Variants in SGMS2 observed in about 807,000 individuals in gnomAD.
The protein encoded by SGMS2 is phosphatidylcholine:ceramide cholinephosphotransferase 2.
Under a neutral mutation model 43.8 loss-of-function variants are expected in SGMS2, and 21 were observed. The ratio of observed to expected loss-of-function variants is 0.48; its 90% CI spans 0.34 to 0.69. The LOEUF is 0.69. Ranked by LOEUF, SGMS2 falls within the 30% of genes least tolerant of loss-of-function variation. The pLI, the probability that SGMS2 is intolerant of heterozygous loss-of-function variation, is 0.01. For synonymous variants in SGMS2, 167 were observed against 160.6 expected (o/e 1.04, Z -0.30); for missense variants, 384 against 443.2 (o/e 0.87, Z 1.20).
chr4:107,866,769 G>C (rs957195613), intron 2 of SGMS2: 2 of 151,746 alleles, frequency 1.3e-5, no homozygotes, highest in Admixed American at 1.3e-4. Context: ...AACTTTCTTT[G>C]GTGAGGTCAC....
chr4:107,867,026 C>T (rs2126046155), intron 2 of SGMS2: 1 of 152,236 alleles, frequency 6.6e-6, no homozygotes, highest in South Asian at 2.1e-4. Flanking sequence ...CTTCTTTAGC[C>T]ATGGAACCCA....
At position 107,894,740 on chromosome 4, in the gene SGMS2, G is replaced by A. The variant is rs542839839; in HGVS notation, c.-244-570G>A. On this transcript the variant is annotated intron_variant, in intron 2 of 6. Transcript: ENST00000690982. ...GAATATAAAAGGATAAACTGAGGCT[G>A]TGCCATTTTAAAAATCTTGAATGTG... is the stretch of plus-strand genomic sequence containing the variant. Among the ~76,000 whole-genome samples the A allele has an allele frequency of 7.2e-5, 11 of 152,288 alleles. No individual in the cohort carries two copies. In the East Asian group the frequency reaches 2.1e-3, roughly 29 times the overall value.
At chr4:107,870,240 C>T (rs1728465279) in intron 2 of SGMS2, among the ~76,000 whole-genome samples, 1 of 152,050 alleles carries the variant, frequency 6.6e-6, no homozygotes, top group Non-Finnish European at 1.5e-5. Flanking sequence ...GGACTTATGT[C>T]TGTCCTCTGT....
At chr4:107,877,898 CTTTCTT>C (rs774222598) in intron 2 of SGMS2, among the ~76,000 whole-genome samples, 1 of 142,126 alleles carries the variant, frequency 7.0e-6, no homozygotes, top group South Asian at 2.2e-4. Flanking sequence ...CTCTTTCTTT[CTTTCTT>C]TTTCTTTTCT....
chr4:107,876,099 C>T (rs1277596961), intron 2 of SGMS2, among the ~76,000 whole-genome samples: 1 of 152,184 alleles, frequency 6.6e-6, no homozygotes, highest in Non-Finnish European at 1.5e-5. Flanking sequence ...TGCCCCTAAA[C>T]CTCTCAGGCT....
intron 1 of SGMS2, among the ~76,000 whole-genome samples, chr4:107,834,516 C>G (rs1228198438): frequency 6.6e-6 from 1 of 152,136 alleles, no homozygotes; most frequent in Non-Finnish European, 1.5e-5. Flanking sequence ...CATGGTGATA[C>G]TGGGATGGTG....
intron 2 of SGMS2, among the ~76,000 whole-genome samples, chr4:107,865,010 A>G (rs1728008558): frequency 6.6e-6 from 1 of 152,204 alleles, no homozygotes; most frequent in Non-Finnish European, 1.5e-5. Context: ...TTGGTGGAAA[A>G]CTGTATTAAC....
intron 1 of SGMS2, among the ~76,000 whole-genome samples, chr4:107,841,961 A>AT (rs143499098): frequency 0.04 from 6,145 of 151,958 alleles, 170 homozygotes; most frequent in Middle Eastern, 0.085. Flanking sequence ...CTTTAAAAAA[A>AT]TTTTTTTTTA....
Position 107,895,925 on chromosome 4 carries a change from G to A in SGMS2, c.372G>A (p.Val124=). ...PDKFFDYIDR[V]KWAFSVSEIN... is the part of the protein sequence containing the mutation. ...AGTTTTTTGATTACATTGATAGGGTGAAATGGGCATTTTCTGTATCAGAAA... is the reference window on the plus strand; with the variant it reads ...AGTTTTTTGATTACATTGATAGGGTAAAATGGGCATTTTCTGTATCAGAAA... The change falls in exon 3 of 7, where the codon GTG becomes GTA. Residue 124 remains valine (V), a synonymous_variant. Transcript: ENST00000690982. 1 of 1,613,996 alleles carries A rather than the reference G, an allele frequency of 6.2e-7. No individual in the cohort carries two copies. Among genetic ancestry groups the A allele is most frequent in the Non-Finnish European group, 8.5e-7 (1 of 1,179,938 alleles).
At chr4:107,896,598 A>G (rs1160028152) in intron 3 of SGMS2, among the ~76,000 whole-genome samples, 3 of 152,190 alleles carry the variant, frequency 2.0e-5, no homozygotes, top group Non-Finnish European at 4.4e-5. Flanking sequence ...AACCAGATCC[A>G]TGCGGTTTTG....
At chr4:107,892,220 AGC>A in intron 2 of SGMS2, among the ~76,000 whole-genome samples, 1 of 143,796 alleles carries the variant, frequency 7.0e-6, no homozygotes, top group Non-Finnish European at 1.5e-5. Flanking sequence ...TTGTGTTGGA[AGC>A]AACTAAAACT....
At chr4:107,860,896 C>A (rs1280512625) in intron 2 of SGMS2, among the ~76,000 whole-genome samples, 1 of 152,116 alleles carries the variant, frequency 6.6e-6, no homozygotes, top group African/African-American at 2.4e-5. Context: ...GGATATTTTG[C>A]CAATTCTCAT....
At chr4:107,837,111 C>T (rs778897988) in intron 1 of SGMS2, among the ~76,000 whole-genome samples, 9 of 152,024 alleles carry the variant, frequency 5.9e-5, no homozygotes, top group African/African-American at 9.7e-5. Context: ...GTATTTAACA[C>T]TTTTTTTTGC....
chr4:107,850,221 A>C (rs1387768563), intron 1 of SGMS2, among the ~76,000 whole-genome samples: 1 of 152,202 alleles, frequency 6.6e-6, no homozygotes, highest in Non-Finnish European at 1.5e-5. Flanking sequence ...CCTGAGAAGC[A>C]AGCAGATGCC....
At chr4:107,844,878 T>C (rs1726725824) in intron 1 of SGMS2, among the ~76,000 whole-genome samples, 1 of 150,756 alleles carries the variant, frequency 6.6e-6, no homozygotes. Flanking sequence ...CAGGTGCTGA[T>C]TGATGTAGCC....
intron 1 of SGMS2, 132 bp from the exon 2 acceptor site, chr4:107,858,340 A>G (rs1727542040): frequency 6.6e-6 from 1 of 152,172 alleles, no homozygotes; most frequent in East Asian, 1.9e-4. Context: ...ACTCTCCTAG[A>G]GGGCCAGTAT....
In SGMS2 at chr4:107,913,225, T is replaced by C. The variant is rs1732236468; in HGVS notation, c.*2672T>C. The stretch of plus-strand genomic sequence containing the variant: ...TGAAATACCTATAACATATAATTCC[T>C]ATAGAGTATGCCACATTTTTTTTCT... On this transcript the variant is annotated 3_prime_UTR_variant, in exon 7 of 7. Coordinates refer to ENST00000690982, the MANE Select transcript of SGMS2 (RefSeq NM_001375905.1). The C allele has an allele frequency of 6.6e-6, 1 of 152,180 alleles. No homozygotes were observed. The highest frequency in any genetic ancestry group is 1.5e-5 in the Non-Finnish European group (1 of 68,024). 9.4% of individuals were successfully genotyped at this position (152,180 alleles called of 1,614,324 possible).
chr4:107,849,046 C>T (rs1198389297), intron 1 of SGMS2, among the ~76,000 whole-genome samples: 10 of 151,892 alleles, frequency 6.6e-5, no homozygotes, highest in Admixed American at 3.3e-4. Context: ...ATATGGAAGT[C>T]GGGTTGTTCA....
rs772789555 is a variant in SGMS2, at chr4:107,905,260, C to T, written c.727+1874C>T. 4.0e-4 allele frequency among the ~76,000 whole-genome samples: 61 copies of T among 152,154 alleles called. 3 individuals are homozygous for T. Among genetic ancestry groups the T allele is most frequent in the Admixed American group, 2.6e-4 (4 of 15,290 alleles). On this transcript the variant is annotated intron_variant, in intron 5 of 6. Transcript: ENST00000690982. ...ATGGCAGCAGACGAGAAAATGAGAACGAAGCAAAAGGGGTTTCCCCTTATA... is the reference window on the plus strand; with the variant it reads ...ATGGCAGCAGACGAGAAAATGAGAATGAAGCAAAAGGGGTTTCCCCTTATA...
Sources: gnomAD v4.1 joint callset for allele counts (sites outside exome capture counted in the v4.1 genomes callset) on GRCh38, gnomAD v4.1.1 for gene constraint, MANE v1.5 for transcripts, NCBI Gene and HGNC (gene_info 2026-07-23, HGNC 2026-07-21) for gene names.